CPLX2: variants seen among roughly 807,000 people sequenced by gnomAD.
CPLX2 encodes complexin-2.
CPLX2 carries 5 observed loss-of-function variants against 16.3 expected under a neutral mutation model. The observed-to-expected ratio is 0.31, with a 90% CI of 0.16 to 0.64. CPLX2 has a LOEUF of 0.64. Among genes scored for constraint, CPLX2 ranks in the 30% least tolerant of loss-of-function variants. The pLI, the probability that CPLX2 is intolerant of heterozygous loss-of-function variation, is 0.79. For missense variants in CPLX2, 144 were observed against 181.4 expected (o/e 0.79, Z 1.18); for synonymous variants, 89 against 73.2 (o/e 1.22, Z -1.10).
rs939029121 is a variant in CPLX2 at position 175,880,232 on chromosome 5, T to C, written c.*187T>C. ...CTCCCTTCATCCCAGGGTATCCACCTGCACCCCACTCCCAAGTAGCTTGAA... is the reference window on the plus strand; with the variant it reads ...CTCCCTTCATCCCAGGGTATCCACCCGCACCCCACTCCCAAGTAGCTTGAA... On this transcript the variant is annotated 3_prime_UTR_variant, in exon 4 of 4. Coordinates refer to ENST00000393745, the MANE Select transcript of CPLX2 (RefSeq NM_001008220.2). The C allele has an allele frequency of 8.3e-6, 6 of 719,068 alleles. No homozygotes were observed. Among genetic ancestry groups the C allele is most frequent in the Non-Finnish European group, 1.5e-5 (6 of 393,078 alleles). The allele number at this position is 719,068 out of a possible 1,614,324, so 44.5% of individuals were successfully genotyped here.
chr5:175,860,590 G>GGAAT (rs1354657351), intron 2 of CPLX2, among the ~76,000 whole-genome samples: 2 of 87,522 alleles, frequency 2.3e-5, no homozygotes, highest in Admixed American at 2.2e-4. Flanking sequence ...AGGGAGGGAA[G>GGAAT]GAAGGAAGGA....
Position 175,797,891 on chromosome 5 carries a change from A to G in CPLX2, c.-169+1107A>G, listed in dbSNP as rs1207218510. On this transcript the variant is annotated intron_variant, in intron 1 of 4. Transcript: ENST00000359546. ...CAAACAGGGAAGCCAGTTCCGCGGC[A>G]GGAAAGCATACGTGGAAGAGAAACC... Among the ~76,000 whole-genome samples, 6 of 152,348 alleles carry G rather than the reference A, an allele frequency of 3.9e-5. No individual in the cohort carries two copies. In the South Asian group the frequency reaches 8.3e-4, roughly 21 times the overall value.
exon 1 of CPLX2, chr5:175,796,585 C>T (rs1397590922): frequency 6.6e-6 from 1 of 152,404 alleles, no homozygotes; most frequent in African/African-American, 2.4e-5. Context: ...GGGGAGGCCT[C>T]TGGGCTCTGT....
chr5:175,848,607 A>C (rs75499679), intron 2 of CPLX2, among the ~76,000 whole-genome samples: 83 of 152,346 alleles, frequency 5.4e-4, no homozygotes, highest in African/African-American at 1.9e-3. Flanking sequence ...TCCTACTCCT[A>C]GAGAAAAGTC....
intron 2 of CPLX2, among the ~76,000 whole-genome samples, chr5:175,841,254 C>T (rs1389610636): frequency 6.6e-6 from 1 of 152,198 alleles, no homozygotes. Context: ...CCCCCCAAAA[C>T]CTGCAAACCC....
At chr5:175,813,904 G>A (rs547398765) in intron 2 of CPLX2, among the ~76,000 whole-genome samples, 10 of 152,256 alleles carry the variant, frequency 6.6e-5, no homozygotes, top group Middle Eastern at 3.4e-3. Context: ...GTGGATAAAC[G>A]ATGTTTTATT....
In CPLX2 at chr5:175,882,650, T is replaced by C. The variant is rs1021081322; in HGVS notation, c.*2605T>C. ...GCCCTCCAGGATGGCTGGTTTAGTC[T>C]GGGTCCATGTCCCAGACCCCTCTAT... On this transcript the variant is annotated 3_prime_UTR_variant, in exon 4 of 4. Coordinates refer to ENST00000393745, the MANE Select transcript of CPLX2 (RefSeq NM_001008220.2). 7.2e-5 allele frequency: 11 copies of C among 152,780 alleles called. 1 individual carries two copies. The highest frequency in any genetic ancestry group is 2.7e-4 in the African/African-American group (11 of 41,462). 9.5% of individuals were successfully genotyped at this position (152,780 alleles called of 1,614,324 possible).
chr5:175,846,104 G>A (rs575972840), intron 2 of CPLX2, among the ~76,000 whole-genome samples: 2 of 152,110 alleles, frequency 1.3e-5, no homozygotes, highest in African/African-American at 4.8e-5. Context: ...TCCACTTCTG[G>A]CCATGCACAC....
In CPLX2 at chr5:175,849,550, C is replaced by T. The variant is rs1024098627; in HGVS notation, c.-88-29102C>T. Among the ~76,000 whole-genome samples, 1 of 152,174 alleles carries T rather than the reference C, an allele frequency of 6.6e-6. No individual in the cohort carries two copies. The highest frequency in any genetic ancestry group is 1.5e-5 in the Non-Finnish European group (1 of 68,022). On this transcript the variant is annotated intron_variant, in intron 2 of 4. Coordinates refer to the CPLX2 transcript ENST00000359546. The surrounding 1 kb of genome is among the most constrained non-coding windows in gnomAD (Gnocchi z 4.4). ...AGATAGCACATAAGCAGAGACTCTC[C>T]CTGCACAAGGGGGTGCTACCACGCT... is the stretch of plus-strand genomic sequence containing the variant.
intron 2 of CPLX2, among the ~76,000 whole-genome samples, chr5:175,831,624 A>G: frequency 6.6e-6 from 1 of 152,240 alleles, no homozygotes; most frequent in Admixed American, 6.5e-5. Flanking sequence ...GAGCATGTAC[A>G]AAGCCTACCA....
chr5:175,879,916 G>C lies in CPLX2; in HGVS notation c.276G>C (p.Gly92=). 3 of 1,613,966 alleles carry C rather than the reference G, an allele frequency of 1.9e-6. No homozygotes were observed. The highest frequency in any genetic ancestry group is 2.5e-6 in the Non-Finnish European group (3 of 1,179,956). Residue 92 remains glycine (G), a synonymous_variant, in exon 4 of 4, where the codon GGG becomes GGC. Coordinates refer to ENST00000393745, the MANE Select transcript of CPLX2 (RefSeq NM_001008220.2). ...EKAALEQPCE[G]SLTRPKKAIP... ...CAGCCCTGGAGCAGCCCTGCGAGGG[G>C]AGCCTGACCCGGCCCAAGAAGGCCA...
rs1200432415 is a variant in CPLX2 at position 175,852,550 on chromosome 5, A to G, written c.-88-26102A>G. On this transcript the variant is annotated intron_variant, in intron 2 of 4. Transcript: ENST00000359546. Reference sequence around the variant, plus strand: ...AAAGGCACGTACATTCACACACTGCATCTCATTTAATCTTCCGAACAGCCC... The same window carrying G: ...AAAGGCACGTACATTCACACACTGCGTCTCATTTAATCTTCCGAACAGCCC... Among the ~76,000 whole-genome samples, 3 of 152,320 alleles carry G rather than the reference A, an allele frequency of 2.0e-5. No homozygotes were observed. The East Asian group carries it at 5.8e-4, about 29-fold the overall frequency.
chr5:175,866,810 T>A (rs1759487501), upstream of CPLX2, among the ~76,000 whole-genome samples: 1 of 152,296 alleles, frequency 6.6e-6, no homozygotes, highest in South Asian at 2.1e-4. Context: ...GTATCATGGC[T>A]CCTGCCTGCA....
intron 1 of CPLX2, among the ~76,000 whole-genome samples, chr5:175,874,162 C>T (rs112629450): frequency 0.015 from 2,262 of 152,214 alleles, 55 homozygotes; most frequent in African/African-American, 0.052. Flanking sequence ...AATTGGATGG[C>T]CACGTGGAGG....
rs1755560839 is a variant in CPLX2, at chr5:175,880,532, AGGCTGAGAGGCCCT to A, written c.*492_*505del. 1 of 187,092 alleles carries A rather than the reference AGGCTGAGAGGCCCT, an allele frequency of 5.3e-6. No homozygotes were observed. Among genetic ancestry groups the A allele is most frequent in the African/African-American group, 2.4e-5 (1 of 42,002 alleles). The allele number at this position is 187,092 out of a possible 1,614,324, so 11.6% of individuals were successfully genotyped here. On this transcript the variant is annotated 3_prime_UTR_variant, in exon 4 of 4. Transcript: ENST00000393745. The stretch of plus-strand genomic sequence containing the variant: ...GGGGAAGCCTGTCCCGGGAAGGCCC[AGGCTGAGAGGCCCT>A]GGCTCTGGCCAGGCTGGGATCTGGG...
chr5:175,872,971 G>C lies in CPLX2; in HGVS notation c.-89+1266G>C, dbSNP rs969039447. The C allele has an allele frequency of 2.0e-5, 3 of 152,174 alleles. No individual in the cohort carries two copies. Among genetic ancestry groups the C allele is most frequent in the Non-Finnish European group, 4.4e-5 (3 of 68,066 alleles). 9.4% of individuals were successfully genotyped at this position (152,174 alleles called of 1,614,324 possible). A position where few individuals can be genotyped will look rare whatever the true frequency, so the allele number is the denominator to read the frequency against. On this transcript the variant is annotated intron_variant, in intron 1 of 3. Transcript: ENST00000393745. This position sits in a 1 kb window ranked among gnomAD's most constrained non-coding sequence, Gnocchi z 5.0. ...GCTGGGACGGGCTCGGAGGGAGTCGGAGAGGGGAAGGAAGCTGAAGGCGCG... is the reference window on the plus strand; with the variant it reads ...GCTGGGACGGGCTCGGAGGGAGTCGCAGAGGGGAAGGAAGCTGAAGGCGCG...
At chr5:175,868,533 A>G (rs1759519679), upstream of CPLX2, among the ~76,000 whole-genome samples, 1 of 152,068 alleles carries the variant, frequency 6.6e-6, no homozygotes. Context: ...CCACATCTAT[A>G]TTTTACCAGG....
At position 175,809,860 on chromosome 5, in the gene CPLX2, G is replaced by A. The variant is rs2113632039; in HGVS notation, c.-89+792G>A. On this transcript the variant is annotated intron_variant, in intron 2 of 4. Coordinates refer to the CPLX2 transcript ENST00000359546. The surrounding 1 kb of genome is among the most constrained non-coding windows in gnomAD (Gnocchi z 4.4). Reference sequence around the variant, plus strand: ...CTCTTAAGAGAAGGAACGTCTCCAGGCCACCTCGTATTTAGCATACAGTGA... The same window carrying A: ...CTCTTAAGAGAAGGAACGTCTCCAGACCACCTCGTATTTAGCATACAGTGA... Among the ~76,000 whole-genome samples, 1 of 152,332 alleles carries A rather than the reference G, an allele frequency of 6.6e-6. No individual in the cohort carries two copies. The highest frequency in any genetic ancestry group is 2.1e-4 in the South Asian group (1 of 4,826).
chr5:175,841,392 T>A (rs1226926916), intron 2 of CPLX2, among the ~76,000 whole-genome samples: 1 of 87,410 alleles, frequency 1.1e-5, no homozygotes, highest in African/African-American at 6.8e-5. Flanking sequence ...AGCACAAAGG[T>A]GCACCTGGGA....
Sources: allele counts gnomAD v4.1 joint callset (sites outside exome capture counted in the v4.1 genomes callset), GRCh38; gene constraint gnomAD v4.1.1; non-coding constraint Gnocchi (gnomAD v3.1); transcripts MANE v1.5; gene names NCBI Gene and HGNC (gene_info 2026-07-23, HGNC 2026-07-21).